Variants in CNTNAP2 observed in about 807,000 individuals in gnomAD.
CNTNAP2 encodes the protein contactin associated protein 2.
Under a neutral mutation model 155.2 loss-of-function variants are expected in CNTNAP2, and 98 were observed. The observed-to-expected ratio is 0.63, with a 90% CI of 0.54 to 0.75. The LOEUF (loss-of-function observed/expected upper bound fraction) is 0.75, where lower values mean the gene tolerates loss of function less well. Ranked by LOEUF, CNTNAP2 falls within the 30% of genes least tolerant of loss-of-function variation. The probability of loss-of-function intolerance (pLI) is 0.00; values close to 1 mark genes in which losing one functional copy is unlikely to be tolerated. For synonymous variants in CNTNAP2, 651 were observed against 631.2 expected (o/e 1.03, Z -0.47); for missense variants, 1,727 against 1,688.1 (o/e 1.02, Z -0.40).
intron 1 of CNTNAP2, among the ~76,000 whole-genome samples, chr7:146,417,803 T>G (rs1369918663): frequency 6.6e-6 from 1 of 152,180 alleles, no homozygotes; most frequent in Non-Finnish European, 1.5e-5. Flanking sequence ...TAGTTATTAA[T>G]TAGGTACCAG....
At chr7:147,922,881 G>A (rs1800309070) in intron 14 of CNTNAP2, among the ~76,000 whole-genome samples, 1 of 152,162 alleles carries the variant, frequency 6.6e-6, no homozygotes. Flanking sequence ...AATATTAGAT[G>A]CCAATGTTAG....
At chr7:146,704,240 GTC>G (rs756230287) in intron 1 of CNTNAP2, among the ~76,000 whole-genome samples, 14 of 152,182 alleles carry the variant, frequency 9.2e-5, no homozygotes, top group Middle Eastern at 3.4e-3. Context: ...ACAGCACACA[GTC>G]TCCAGTATGC....
At chr7:146,679,644 C>T (rs146947086) in intron 1 of CNTNAP2, among the ~76,000 whole-genome samples, 4,380 of 152,166 alleles carry the variant, frequency 0.029, 92 homozygotes, top group East Asian at 0.11. Flanking sequence ...CGTGAGCCAC[C>T]GTGCCCGGCT....
At chr7:147,752,776 A>G (rs10952711) in intron 13 of CNTNAP2, among the ~76,000 whole-genome samples, 96,225 of 152,078 alleles carry the variant, frequency 0.63, 33,555 homozygotes, top group East Asian at 0.92. Context: ...ATTATTTGCC[A>G]GAATTTACTT....
chr7:147,417,973 A>G (rs1797226866), intron 10 of CNTNAP2, among the ~76,000 whole-genome samples: 1 of 152,246 alleles, frequency 6.6e-6, no homozygotes, highest in Non-Finnish European at 1.5e-5. Context: ...TCAATTAGTA[A>G]CATAGTGAAA....
chr7:148,275,847 A>G (rs547572653), intron 21 of CNTNAP2, among the ~76,000 whole-genome samples: 1 of 152,158 alleles, frequency 6.6e-6, no homozygotes. Flanking sequence ...ATGTTCCAAG[A>G]GAGAGGAAGC....
chr7:147,474,598 A>G (rs1407516311), intron 10 of CNTNAP2, among the ~76,000 whole-genome samples: 1 of 152,124 alleles, frequency 6.6e-6, no homozygotes, highest in Non-Finnish European at 1.5e-5. Flanking sequence ...AAAAAACAAG[A>G]AAAACAAGTG....
rs1446681847 is a variant in CNTNAP2, at chr7:147,945,064, C to T, written c.2256-32798C>T. On this transcript the variant is annotated intron_variant, in intron 14 of 23. Transcript: ENST00000361727. Reference sequence around the variant, plus strand: ...ATAATATTTTTTCTGCATTGCATAGCTTCAATTGCCTGTATAGAATTATAT... The same window carrying T: ...ATAATATTTTTTCTGCATTGCATAGTTTCAATTGCCTGTATAGAATTATAT... 2.6e-5 allele frequency among the ~76,000 whole-genome samples: 4 copies of T among 152,268 alleles called. No homozygotes were observed. The East Asian group carries it at 7.7e-4, about 29-fold the overall frequency.
chr7:146,509,980 C>G (rs746196190), intron 1 of CNTNAP2, among the ~76,000 whole-genome samples: 3 of 152,084 alleles, frequency 2.0e-5, no homozygotes, highest in African/African-American at 7.2e-5. Context: ...TGGGGCCACA[C>G]GGCTGACCTA....
chr7:146,977,710 A>G (rs561168214), intron 3 of CNTNAP2, among the ~76,000 whole-genome samples: 1 of 152,332 alleles, frequency 6.6e-6, no homozygotes, highest in African/African-American at 2.4e-5. Context: ...ACTATATTTT[A>G]TAATTTTTAA....
chr7:147,674,362 T>C (rs1000513101), intron 13 of CNTNAP2, among the ~76,000 whole-genome samples: 1 of 152,142 alleles, frequency 6.6e-6, no homozygotes, highest in Non-Finnish European at 1.5e-5. Flanking sequence ...TGGGAGAAAA[T>C]TGCAGTTTAA....
intron 3 of CNTNAP2, among the ~76,000 whole-genome samples, chr7:146,935,534 G>T (rs575435243): frequency 1.3e-5 from 2 of 152,280 alleles, no homozygotes; most frequent in Admixed American, 1.3e-4. Context: ...CATTTGTTAG[G>T]TACTTTTTCC....
chr7:147,316,076 A>C (rs2620447), intron 9 of CNTNAP2, among the ~76,000 whole-genome samples: 74,555 of 151,682 alleles, frequency 0.49, 19,471 homozygotes, highest in East Asian at 0.73. Flanking sequence ...TAATTTACCT[A>C]TTTTTGATTG....
chr7:148,074,745 A>G (rs1803449833), intron 15 of CNTNAP2, among the ~76,000 whole-genome samples: 1 of 152,106 alleles, frequency 6.6e-6, no homozygotes, highest in South Asian at 2.1e-4. Flanking sequence ...CCATAAATTT[A>G]TCTTTTCTCC....
chr7:146,791,020 A>G (rs1249782932), intron 2 of CNTNAP2, among the ~76,000 whole-genome samples: 1 of 151,538 alleles, frequency 6.6e-6, no homozygotes, highest in African/African-American at 2.4e-5. Context: ...TGCTGCACCC[A>G]TCAACCCGTT....
At chr7:147,048,299 A>C (rs183239019) in intron 4 of CNTNAP2, among the ~76,000 whole-genome samples, 1 of 152,134 alleles carries the variant, frequency 6.6e-6, no homozygotes, top group Non-Finnish European at 1.5e-5. Context: ...GAGAATGTGA[A>C]CACCTTGGAA....
intron 3 of CNTNAP2, among the ~76,000 whole-genome samples, chr7:146,911,369 C>T (rs925073804): frequency 3.8e-4 from 58 of 152,060 alleles, no homozygotes; most frequent in Admixed American, 1.4e-3. Context: ...ATGTTTATCG[C>T]GGCATTATTC....
intron 8 of CNTNAP2, among the ~76,000 whole-genome samples, chr7:147,150,716 C>G (rs1027969957): frequency 2.0e-5 from 3 of 152,096 alleles, no homozygotes; most frequent in Non-Finnish European, 4.4e-5. Flanking sequence ...ACTCCTTGTT[C>G]AACCCCTTCC....
chr7:146,589,049 C>A (rs1798742079), intron 1 of CNTNAP2, among the ~76,000 whole-genome samples: 1 of 152,146 alleles, frequency 6.6e-6, no homozygotes, highest in Non-Finnish European at 1.5e-5. Flanking sequence ...CTTAGATAGC[C>A]ACAGAACATT....
Sources: allele counts gnomAD v4.1 joint callset (sites outside exome capture counted in the v4.1 genomes callset), GRCh38; gene constraint gnomAD v4.1.1; transcripts MANE v1.5; gene names NCBI Gene and HGNC (gene_info 2026-07-23, HGNC 2026-07-21).